Variants in YOD1 observed in about 807,000 individuals in gnomAD.
The protein encoded by YOD1 is YOD1 deubiquitinase.
A neutral mutation model predicts 23.7 loss-of-function variants in YOD1; 17 were observed. The ratio of observed to expected loss-of-function variants is 0.72; its 90% CI spans 0.49 to 1.07. YOD1 has a LOEUF of 1.07. YOD1 is among the 50% of genes least tolerant of loss of function. YOD1 has a pLI of 0.00. For missense variants in YOD1, 413 were observed against 447.2 expected (o/e 0.92, Z 0.69); for synonymous variants, 191 against 169.6 (o/e 1.13, Z -0.98).
At position 207,049,510 on chromosome 1, in the gene YOD1, A is replaced by G. The variant is rs779894187; in HGVS notation, c.557T>C (p.Ile186Thr). The G allele has an allele frequency of 3.1e-6, 5 of 1,614,192 alleles. No individual in the cohort carries two copies. Among genetic ancestry groups the G allele is most frequent in the Non-Finnish European group, 3.4e-6 (4 of 1,180,034 alleles). The change falls in exon 2 of 2, where the codon ATA (isoleucine) becomes ACA (threonine). Residue 186 changes from isoleucine to threonine, a missense_variant. Physicochemically the swap from Ile to Thr is moderately conservative, Grantham distance 89. Coordinates refer to ENST00000315927, the MANE Select transcript of YOD1 (RefSeq NM_018566.4). The part of the protein sequence containing the change: ...PACAPEMRRL[I>T]AQIVASDPDF... Reference sequence around the variant, plus strand: ...TGGATCGCTTGCTACAATTTGTGCTATGAGGCGTCTCATCTCAGGGGCACA... The same window carrying G: ...TGGATCGCTTGCTACAATTTGTGCTGTGAGGCGTCTCATCTCAGGGGCACA...
rs917947535 is a variant in YOD1, at chr1:207,044,520, C to A, written c.*4500G>T. On this transcript the variant is annotated 3_prime_UTR_variant, in exon 2 of 2. Coordinates refer to ENST00000315927, the MANE Select transcript of YOD1 (RefSeq NM_018566.4). ...GATGATCCTTTCTGTTTACCTACAACTTAATCAAATTATATCTTCACCATT... is the reference window on the plus strand; with the variant it reads ...GATGATCCTTTCTGTTTACCTACAAATTAATCAAATTATATCTTCACCATT... 2.0e-5 allele frequency: 3 copies of A among 152,500 alleles called. No homozygotes were observed. The highest frequency in any genetic ancestry group is 7.2e-5 in the African/African-American group (3 of 41,436). The allele number at this position is 152,500 out of a possible 1,614,324, so 9.4% of individuals were successfully genotyped here.
Position 207,047,490 on chromosome 1 carries a change from A to G in YOD1, c.*1530T>C, listed in dbSNP as rs142594091. ...GAAAAAGATCCAAGTGCTTTAAAGT[A>G]TACCACTGAATTTCTAAGTGAGATA... On this transcript the variant is annotated 3_prime_UTR_variant, in exon 2 of 2. Coordinates refer to ENST00000315927, the MANE Select transcript of YOD1 (RefSeq NM_018566.4). The G allele has an allele frequency of 2.6e-5, 4 of 152,658 alleles. No homozygotes were observed. The highest frequency in any genetic ancestry group is 5.9e-5 in the Non-Finnish European group (4 of 68,012). 9.5% of individuals were successfully genotyped at this position (152,658 alleles called of 1,614,324 possible).
chr1:207,051,187 T>G lies in YOD1; in HGVS notation c.-157A>C. 7.3e-7 allele frequency: 1 copy of G among 1,365,738 alleles called. No homozygotes were observed. The highest frequency in any genetic ancestry group is 9.5e-7 in the Non-Finnish European group (1 of 1,048,470). 84.6% of individuals were successfully genotyped at this position (1,365,738 alleles called of 1,614,324 possible). A position where few individuals can be genotyped will look rare whatever the true frequency, so the allele number is the denominator to read the frequency against. On this transcript the variant is annotated 5_prime_UTR_variant, in exon 1 of 2. Transcript: ENST00000315927. ...CTCCGTATTCCTAAAGGACAACGGGTCTTGCTACCTATAGAGCGAGTGAGG... is the reference window on the plus strand; with the variant it reads ...CTCCGTATTCCTAAAGGACAACGGGGCTTGCTACCTATAGAGCGAGTGAGG...
upstream of YOD1, chr1:207,052,189 A>G: frequency 1.2e-6 from 2 of 1,612,702 alleles, no homozygotes; most frequent in Non-Finnish European, 1.7e-6. Flanking sequence ...ACTCACCTCC[A>G]CTGTAAAAGA....
Position 207,049,305 on chromosome 1 carries a change from T to A in YOD1, c.762A>T (p.Gly254=). Residue 254 remains glycine (G), a synonymous_variant, in exon 2 of 2, where the codon GGA becomes GGT. Transcript: ENST00000315927. ...AAATAAGCAGAACCCTTTTGGTATA[T>A]CCTGCATCTTCCCCAAAACGATCAA... is the stretch of plus-strand genomic sequence containing the variant. ...VRIDRFGEDA[G]YTKRVLLIYD... is the part of the protein sequence containing the mutation. 1 of 1,614,118 alleles carries A rather than the reference T, an allele frequency of 6.2e-7. No homozygotes were observed. The highest frequency in any genetic ancestry group is 8.5e-7 in the Non-Finnish European group (1 of 1,180,016).
rs1262978841 is a variant in YOD1, at chr1:207,044,105, C to T, written c.*4915G>A. Reference sequence around the variant, plus strand: ...CATTAAGAAAAAATATTTTCTTATGCTGTTTTGCCCATCCCTACTTTTTCA... The same window carrying T: ...CATTAAGAAAAAATATTTTCTTATGTTGTTTTGCCCATCCCTACTTTTTCA... On this transcript the variant is annotated 3_prime_UTR_variant, in exon 2 of 2. Transcript: ENST00000315927. 6.6e-6 allele frequency: 1 copy of T among 152,360 alleles called. No homozygotes were observed. Among genetic ancestry groups the T allele is most frequent in the African/African-American group, 2.4e-5 (1 of 41,440 alleles). The allele number at this position is 152,360 out of a possible 1,614,324, so 9.4% of individuals were successfully genotyped here.
At chr1:207,052,255 C>T (rs778197987), upstream of YOD1, 3 of 1,610,042 alleles carry the variant, frequency 1.9e-6, no homozygotes, top group Non-Finnish European at 2.5e-6. Flanking sequence ...TCTTTCATGA[C>T]TCAATTTTTT....
At chr1:207,049,804 C>A (rs778430703) in intron 1 of YOD1, 81 bp from the exon 2 acceptor site, 1 of 1,324,702 alleles carries the variant, frequency 7.5e-7, no homozygotes, top group Non-Finnish European at 1.0e-6. Context: ...CTGTAAATTA[C>A]AAACTGAAGG....
upstream of YOD1, chr1:207,052,915 G>A (rs924705978): frequency 6.6e-6 from 1 of 152,242 alleles, no homozygotes; most frequent in Admixed American, 6.5e-5. Context: ...GAATGAGAGC[G>A]TTAATCTTTG....
At position 207,048,004 on chromosome 1, in the gene YOD1, A is replaced by C. The variant is rs1002845517; in HGVS notation, c.*1016T>G. ...AAAAACCAACCCAAAGCAGAGCATTATTACTTGAAAAAAATTTTTTGGAGG... is the reference window on the plus strand; with the variant it reads ...AAAAACCAACCCAAAGCAGAGCATTCTTACTTGAAAAAAATTTTTTGGAGG... On this transcript the variant is annotated 3_prime_UTR_variant, in exon 2 of 2. Coordinates refer to ENST00000315927, the MANE Select transcript of YOD1 (RefSeq NM_018566.4). 1 of 152,338 alleles carries C rather than the reference A, an allele frequency of 6.6e-6. No individual in the cohort carries two copies. Among genetic ancestry groups the C allele is most frequent in the African/African-American group, 2.4e-5 (1 of 41,454 alleles). The allele number at this position is 152,338 out of a possible 1,614,324, so 9.4% of individuals were successfully genotyped here. A position where few individuals can be genotyped will look rare whatever the true frequency, so the allele number is the denominator to read the frequency against.
At chr1:207,050,383 T>A (rs1195413889) in intron 1 of YOD1, among the ~76,000 whole-genome samples, 1 of 152,140 alleles carries the variant, frequency 6.6e-6, no homozygotes, top group Non-Finnish European at 1.5e-5. Flanking sequence ...TAGGCCCTAC[T>A]TTATATTTTT....
rs1682660520 is a variant in YOD1, at chr1:207,048,774, T to TC, written c.*245dup. 6 of 461,370 alleles carry TC rather than the reference T, an allele frequency of 1.3e-5. No homozygotes were observed. The highest frequency in any genetic ancestry group is 2.3e-5 in the Non-Finnish European group (6 of 257,432). 28.6% of individuals were successfully genotyped at this position (461,370 alleles called of 1,614,324 possible). On this transcript the variant is annotated 3_prime_UTR_variant, in exon 2 of 2. Coordinates refer to ENST00000315927, the MANE Select transcript of YOD1 (RefSeq NM_018566.4). Reference sequence around the variant, plus strand: ...GGTCAGTGTCAGTAGGTGGCAAGGATCACCTATTCTGTCACTCCAGCAGAA... The same window carrying TC: ...GGTCAGTGTCAGTAGGTGGCAAGGATCCACCTATTCTGTCACTCCAGCAGAA...
chr1:207,045,204 T>C lies in YOD1; in HGVS notation c.*3816A>G, dbSNP rs1160345746. On this transcript the variant is annotated 3_prime_UTR_variant, in exon 2 of 2. Coordinates refer to ENST00000315927, the MANE Select transcript of YOD1 (RefSeq NM_018566.4). The stretch of plus-strand genomic sequence containing the variant: ...GGAAACAAGTTTTAAGGATCGAATC[T>C]TTTAGAAATTATCAGTCATCTCTGC... 1 of 152,440 alleles carries C rather than the reference T, an allele frequency of 6.6e-6. No homozygotes were observed. Among genetic ancestry groups the C allele is most frequent in the African/African-American group, 2.4e-5 (1 of 41,440 alleles). 9.4% of individuals were successfully genotyped at this position (152,440 alleles called of 1,614,324 possible).
chr1:207,049,498 A>G lies in YOD1; in HGVS notation c.569T>C (p.Val190Ala). The change falls in exon 2 of 2, where the codon GTA becomes GCA. Residue 190 changes from valine (V) to alanine (A), a missense_variant. Coordinates refer to ENST00000315927, the MANE Select transcript of YOD1 (RefSeq NM_018566.4). ...ACTATAGAAGTCTGGATCGCTTGCT[A>G]CAATTTGTGCTATGAGGCGTCTCAT... ...PEMRRLIAQI[V>A]ASDPDFYSEA... 1 of 1,614,156 alleles carries G rather than the reference A, an allele frequency of 6.2e-7. No individual in the cohort carries two copies. The highest frequency in any genetic ancestry group is 8.5e-7 in the Non-Finnish European group (1 of 1,180,032).
Position 207,050,957 on chromosome 1 carries a change from T to C in YOD1, c.74A>G (p.Gln25Arg), listed in dbSNP as rs746107083. ...APGFPGGVSQ[Q>R]AAGTKAGPAG... ...GGGGCCAGCTTTGGTCCCGGCAGCC[T>C]GTTGGGAGACGCCGCCGGGGAAACC... The change falls in exon 1 of 2, where the codon CAG becomes CGG. Residue 25 changes from glutamine to arginine, a missense_variant. Coordinates refer to ENST00000315927, the MANE Select transcript of YOD1 (RefSeq NM_018566.4). 17 of 1,561,974 alleles carry C rather than the reference T, an allele frequency of 1.1e-5. No individual in the cohort carries two copies. The African/African-American group carries it at 2.0e-4, about 19-fold the overall frequency.
At position 207,044,796 on chromosome 1, in the gene YOD1, T is replaced by C. The variant is rs548469425; in HGVS notation, c.*4224A>G. ...TTGACAATCTCTTCTTTATCAGTGG[T>C]ACTTTGTCTTCTTGGCCCTTTTCTC... On this transcript the variant is annotated 3_prime_UTR_variant, in exon 2 of 2. Transcript: ENST00000315927. 6.6e-6 allele frequency: 1 copy of C among 152,648 alleles called. No homozygotes were observed. Among genetic ancestry groups the C allele is most frequent in the African/African-American group, 2.4e-5 (1 of 41,570 alleles). The allele number at this position is 152,648 out of a possible 1,614,324, so 9.5% of individuals were successfully genotyped here.
In YOD1 at chr1:207,051,048, G is replaced by T. The variant is rs749417164; in HGVS notation, c.-18C>A. 3 of 1,486,282 alleles carry T rather than the reference G, an allele frequency of 2.0e-6. No homozygotes were observed. Among genetic ancestry groups the T allele is most frequent in the East Asian group, 2.5e-5 (1 of 40,128 alleles). The allele number at this position is 1,486,282 out of a possible 1,614,324, so 92.1% of individuals were successfully genotyped here. Reference sequence around the variant, plus strand: ...CCAAACATCGCGAGAAGTTGCGGGTGGTTGCAGTTATCGCGACGCTTCGGT... The same window carrying T: ...CCAAACATCGCGAGAAGTTGCGGGTTGTTGCAGTTATCGCGACGCTTCGGT... On this transcript the variant is annotated 5_prime_UTR_variant, in exon 1 of 2. Transcript: ENST00000315927.
chr1:207,049,325 G>A lies in YOD1; in HGVS notation c.742C>T (p.Arg248Cys), dbSNP rs1682677420. The A allele has an allele frequency of 6.2e-7, 1 of 1,613,980 alleles. No individual in the cohort carries two copies. Residue 248 changes from arginine to cysteine, a missense_variant, in exon 2 of 2, where the codon CGT becomes TGT. Coordinates refer to ENST00000315927, the MANE Select transcript of YOD1 (RefSeq NM_018566.4). ...VVDTQTVRID[R>C]FGEDAGYTKR... The stretch of plus-strand genomic sequence containing the variant: ...GTATATCCTGCATCTTCCCCAAAAC[G>A]ATCAATTCTTACTGTCTGTGTATCC...
chr1:207,051,164 C>A lies in YOD1; in HGVS notation c.-134G>T. 10 of 1,413,216 alleles carry A rather than the reference C, an allele frequency of 7.1e-6. No homozygotes were observed. The highest frequency in any genetic ancestry group is 9.2e-6 in the Non-Finnish European group (10 of 1,087,258). The allele number at this position is 1,413,216 out of a possible 1,614,324, so 87.5% of individuals were successfully genotyped here. ...ACCCTCAGAACGAAGATGTAAACCT[C>A]CGTATTCCTAAAGGACAACGGGTCT... is the stretch of plus-strand genomic sequence containing the variant. On this transcript the variant is annotated 5_prime_UTR_variant, in exon 1 of 2. Coordinates refer to ENST00000315927, the MANE Select transcript of YOD1 (RefSeq NM_018566.4).
Sources: gnomAD v4.1 joint callset for allele counts (sites outside exome capture counted in the v4.1 genomes callset) on GRCh38, gnomAD v4.1.1 for gene constraint, MANE v1.5 for transcripts, NCBI Gene and HGNC (gene_info 2026-07-23, HGNC 2026-07-21) for gene names.